SULT4A1: variants seen among roughly 807,000 people sequenced by gnomAD.
The protein encoded by SULT4A1 is sulfotransferase family 4A member 1.
SULT4A1 carries 11 observed loss-of-function variants against 35.2 expected under a neutral mutation model. That is an observed-to-expected ratio of 0.31 (90% CI 0.20 to 0.52). The LOEUF is 0.52. SULT4A1 is among the 20% of genes least tolerant of loss of function. SULT4A1 has a pLI of 0.97. For missense variants in SULT4A1, 271 were observed against 383.7 expected (o/e 0.71, Z 2.45); for synonymous variants, 152 against 151.8 (o/e 1.00, Z -0.01).
rs147109603 is a variant in SULT4A1, at chr22:43,831,925, A to G, written c.603+1715T>C. Among the ~76,000 whole-genome samples, 53 of 152,328 alleles carry G rather than the reference A, an allele frequency of 3.5e-4. No individual in the cohort carries two copies. The East Asian group carries it at 0.01, about 29-fold the overall frequency. On this transcript the variant is annotated intron_variant, in intron 5 of 6. Coordinates refer to ENST00000330884, the MANE Select transcript of SULT4A1 (RefSeq NM_014351.4). ...GTGCATGACACCACCACAAAAAGGT[A>G]CACACCAGGCGGGCCCGTGCCAGGC...
intron 6 of SULT4A1, chr22:43,827,549 G>A (rs570813021): frequency 2.2e-6 from 3 of 1,363,758 alleles, no homozygotes; most frequent in African/African-American, 2.9e-5. Context: ...AATTTATGCT[G>A]TGACATGAAT....
At chr22:43,843,604 C>T (rs2063450794) in intron 1 of SULT4A1, among the ~76,000 whole-genome samples, 1 of 152,246 alleles carries the variant, frequency 6.6e-6, no homozygotes, top group Non-Finnish European at 1.5e-5. Flanking sequence ...TTCCACCATG[C>T]CTAGCCAATG....
At chr22:43,826,575 C>T (rs2063288544) in intron 6 of SULT4A1, 7 of 985,430 alleles carry the variant, frequency 7.1e-6, no homozygotes, top group South Asian at 4.7e-5. Flanking sequence ...TATCCACTCA[C>T]AGCTCAACAG....
Position 43,840,156 on chromosome 22 carries a change from A to G in SULT4A1, c.301-131T>C, listed in dbSNP as rs183433867. 14 of 684,122 alleles carry G rather than the reference A, an allele frequency of 2.0e-5. No individual in the cohort carries two copies. In the Admixed American group the frequency reaches 2.9e-4, roughly 14 times the overall value. 42.4% of individuals were successfully genotyped at this position (684,122 alleles called of 1,614,324 possible). ...CAGGGGAAGTGGAGTTATCAGAGGGAACGGCGGGTCTAGGGTAGCGGAGGG... is the reference window on the plus strand; with the variant it reads ...CAGGGGAAGTGGAGTTATCAGAGGGGACGGCGGGTCTAGGGTAGCGGAGGG... On this transcript the variant is annotated intron_variant, in intron 2 of 6. Transcript: ENST00000330884.
chr22:43,833,292 C>T (rs1367682468), intron 5 of SULT4A1, among the ~76,000 whole-genome samples: 2 of 152,176 alleles, frequency 1.3e-5, no homozygotes, highest in African/African-American at 4.8e-5. Flanking sequence ...CCAGCTGCCT[C>T]GTGTCTCACT....
At chr22:43,858,659 C>T in intron 1 of SULT4A1, among the ~76,000 whole-genome samples, 1 of 152,134 alleles carries the variant, frequency 6.6e-6, no homozygotes, top group Non-Finnish European at 1.5e-5. Context: ...CGCATGCTCC[C>T]TCATCTCAGA....
Position 43,829,182 on chromosome 22 carries a change from A to G in SULT4A1, c.620T>C (p.Val207Ala). The change falls in exon 6 of 7, where the codon GTG (valine) becomes GCG (alanine). Residue 207 changes from valine (V) to alanine (A), a missense_variant. Transcript: ENST00000330884. Reference sequence around the variant, plus strand: ...CCCCAGGAATCTGGCCAGCTGCTCCACCATCGTCACCAGGTCCTGGAAGAC... The same window carrying G: ...CCCCAGGAATCTGGCCAGCTGCTCCGCCATCGTCACCAGGTCCTGGAAGAC... Reference protein sequence around the residue: ...EDMHRDLVTMVEQLARFLGVS... With the variant: ...EDMHRDLVTMAEQLARFLGVS... 7 of 1,563,788 alleles carry G rather than the reference A, an allele frequency of 4.5e-6. No individual in the cohort carries two copies. The highest frequency in any genetic ancestry group is 6.1e-6 in the Non-Finnish European group (7 of 1,154,238).
chr22:43,835,625 G>A (rs565180431), intron 4 of SULT4A1, among the ~76,000 whole-genome samples: 29 of 152,282 alleles, frequency 1.9e-4, no homozygotes, highest in East Asian at 1.5e-3. Flanking sequence ...CAAGTGGCCC[G>A]ACTGCAGCCC....
Position 43,862,495 on chromosome 22 carries a change from G to C in SULT4A1, c.-113C>G. 2 of 932,812 alleles carry C rather than the reference G, an allele frequency of 2.1e-6. No individual in the cohort carries two copies. Among genetic ancestry groups the C allele is most frequent in the Non-Finnish European group, 2.5e-6 (2 of 785,192 alleles). The allele number at this position is 932,812 out of a possible 1,614,324, so 57.8% of individuals were successfully genotyped here. On this transcript the variant is annotated 5_prime_UTR_variant, in exon 1 of 7. Transcript: ENST00000330884. ...GCTCGCGCCCCACCGGCGCGCGGCG[G>C]CAGCTCCGCAGGCGTGACGTCATGG...
chr22:43,838,335 C>T (rs1427549124), intron 4 of SULT4A1, among the ~76,000 whole-genome samples: 4 of 152,226 alleles, frequency 2.6e-5, no homozygotes, highest in African/African-American at 4.8e-5. Context: ...CTCCTCCCTG[C>T]GGGCACAAGT....
intron 1 of SULT4A1, among the ~76,000 whole-genome samples, chr22:43,848,740 C>T (rs950537204): frequency 3.3e-5 from 5 of 152,186 alleles, no homozygotes; most frequent in Non-Finnish European, 2.9e-5. Flanking sequence ...AGGGCAAATA[C>T]ACCGCTGCCG....
At chr22:43,856,953 C>T (rs1239309043) in intron 1 of SULT4A1, among the ~76,000 whole-genome samples, 1 of 152,008 alleles carries the variant, frequency 6.6e-6, no homozygotes, top group Non-Finnish European at 1.5e-5. Context: ...CGCACACACA[C>T]AAACAAAACT....
chr22:43,850,454 A>G (rs1160795897), intron 1 of SULT4A1, among the ~76,000 whole-genome samples: 1 of 152,206 alleles, frequency 6.6e-6, no homozygotes, highest in Non-Finnish European at 1.5e-5. Context: ...TTCCCAGAGT[A>G]GGTAACTGCC....
At chr22:43,826,424 G>A in intron 6 of SULT4A1, 2 of 985,326 alleles carry the variant, frequency 2.0e-6, no homozygotes, top group African/African-American at 1.7e-5. Flanking sequence ...CTCTACTCCT[G>A]TTCAGTGCTG....
chr22:43,839,489 G>A lies in SULT4A1; in HGVS notation c.381+456C>T, dbSNP rs777533177. On this transcript the variant is annotated intron_variant, in intron 3 of 6. Transcript: ENST00000330884. ...CATGCCTGTAGTCCCAGCTACTCAG[G>A]AGGCTGAGGCAGGAGAATCGCTTGA... 7.4e-4 allele frequency among the ~76,000 whole-genome samples: 112 copies of A among 152,322 alleles called. 1 individual carries two copies. The highest frequency in any genetic ancestry group is 8.4e-4 in the Non-Finnish European group (57 of 68,036).
At chr22:43,844,095 C>A (rs1257312166) in intron 1 of SULT4A1, among the ~76,000 whole-genome samples, 1 of 152,208 alleles carries the variant, frequency 6.6e-6, no homozygotes, top group African/African-American at 2.4e-5. Flanking sequence ...GGAGAAATCC[C>A]CAGCCTGTCC....
intron 1 of SULT4A1, among the ~76,000 whole-genome samples, chr22:43,859,013 T>TC (rs1024404096): frequency 6.6e-6 from 1 of 152,144 alleles, no homozygotes; most frequent in Non-Finnish European, 1.5e-5. Flanking sequence ...CCCTGGCTTG[T>TC]CAGTTAACTT....
At chr22:43,857,457 C>T (rs1265759448) in intron 1 of SULT4A1, among the ~76,000 whole-genome samples, 1 of 150,682 alleles carries the variant, frequency 6.6e-6, no homozygotes, top group Admixed American at 6.6e-5. Context: ...AGGACAACAT[C>T]AAACAATCTA....
At chr22:43,827,272 C>A in intron 6 of SULT4A1, 1 of 985,414 alleles carries the variant, frequency 1.0e-6, no homozygotes, top group Non-Finnish European at 1.2e-6. Flanking sequence ...CCAGGCAGGA[C>A]CTCAGGTTTT....
Sources: gnomAD v4.1 joint callset for allele counts (sites outside exome capture counted in the v4.1 genomes callset) on GRCh38, gnomAD v4.1.1 for gene constraint, MANE v1.5 for transcripts, NCBI Gene and HGNC (gene_info 2026-07-23, HGNC 2026-07-21) for gene names.